Variants in CASP5 observed in about 807,000 individuals in gnomAD.
The protein encoded by CASP5 is caspase 5.
In CASP5, 42 loss-of-function variants were observed where a neutral mutation model predicts 45.2. That is an observed-to-expected ratio of 0.93 (90% CI 0.73 to 1.20). CASP5 has a LOEUF of 1.20. Ranked by LOEUF, CASP5 falls within the 50% of genes most tolerant of loss-of-function variation. The pLI is 0.00. For synonymous variants in CASP5, 209 were observed against 186.2 expected (o/e 1.12, Z -1.00); for missense variants, 512 against 532.2 (o/e 0.96, Z 0.37).
At chr11:105,000,522 G>GCTCACAGAGAATCA in intron 5 of CASP5, 27 bp from the exon 6 acceptor site, 1 of 1,596,926 alleles carries the variant, frequency 6.3e-7, no homozygotes. Flanking sequence ...TCTAACTTCA[G>GCTCACAGAGAATCA]TCAGAGAAGC....
At chr11:105,009,017 C>G in intron 1 of CASP5, 37 bp from the exon 2 acceptor site, 2 of 1,601,778 alleles carry the variant, frequency 1.2e-6, no homozygotes, top group Non-Finnish European at 1.7e-6. Context: ...ACTCTGGGCA[C>G]AGCTTAAAGA....
At chr11:105,017,922 C>G (rs1862718040) in intron 1 of CASP5, among the ~76,000 whole-genome samples, 1 of 152,116 alleles carries the variant, frequency 6.6e-6, no homozygotes, top group Non-Finnish European at 1.5e-5. Context: ...TCAGGTTACC[C>G]TCAAAGAGAA....
chr11:105,009,193 G>T, intron 1 of CASP5: 2 of 588,490 alleles, frequency 3.4e-6, no homozygotes, highest in Non-Finnish European at 6.0e-6. Flanking sequence ...TGCCACTTAA[G>T]TTTGTTTTTT....
At chr11:105,021,425 A>G (rs1862954725) in intron 1 of CASP5, among the ~76,000 whole-genome samples, 1 of 148,144 alleles carries the variant, frequency 6.8e-6, no homozygotes, top group Non-Finnish European at 1.5e-5. Context: ...CAAAGGGCTA[A>G]TATCCAGAAT....
chr11:105,007,606 C>T (rs1862074427), intron 2 of CASP5, among the ~76,000 whole-genome samples: 1 of 151,946 alleles, frequency 6.6e-6, no homozygotes, highest in South Asian at 2.1e-4. Context: ...TGCTAATTTC[C>T]TGGTCACCTG....
chr11:105,017,195 C>T (rs1862663283), intron 1 of CASP5, among the ~76,000 whole-genome samples: 1 of 152,068 alleles, frequency 6.6e-6, no homozygotes, highest in Non-Finnish European at 1.5e-5. Flanking sequence ...GAAAAAACCA[C>T]AAAGATGGGG....
chr11:104,998,812 C>A, intron 7 of CASP5, 73 bp downstream of exon 7: 2 of 1,478,520 alleles, frequency 1.4e-6, no homozygotes, highest in Non-Finnish European at 1.9e-6. Flanking sequence ...TAGGGCCTAT[C>A]TTGATTTCAT....
intron 4 of CASP5, among the ~76,000 whole-genome samples, chr11:105,002,515 G>A (rs1399560990): frequency 6.6e-6 from 1 of 151,958 alleles, no homozygotes; most frequent in Non-Finnish European, 1.5e-5. Context: ...TGTTGTCATC[G>A]GCTCCAGTAA....
At chr11:104,996,535 T>G (rs1404076942) in intron 8 of CASP5, among the ~76,000 whole-genome samples, 1 of 152,226 alleles carries the variant, frequency 6.6e-6, no homozygotes, top group Non-Finnish European at 1.5e-5. Context: ...ATTTTTAATT[T>G]AGAAACAACC....
intron 6 of CASP5, among the ~76,000 whole-genome samples, chr11:105,000,004 C>T (rs549093115): frequency 6.6e-6 from 1 of 152,300 alleles, no homozygotes; most frequent in East Asian, 1.9e-4. Flanking sequence ...TTCTGTTTAA[C>T]TTTGATTTAG....
intron 1 of CASP5, among the ~76,000 whole-genome samples, chr11:105,010,216 G>C (rs1862272623): frequency 6.6e-6 from 1 of 150,744 alleles, no homozygotes; most frequent in African/African-American, 2.4e-5. Flanking sequence ...ACCATTATTA[G>C]AAAGACACAT....
chr11:105,000,382 C>G lies in CASP5; in HGVS notation c.831G>C (p.Ala277=), dbSNP rs778906548. 7 of 1,614,130 alleles carry G rather than the reference C, an allele frequency of 4.3e-6. No homozygotes were observed. The South Asian group carries it at 5.5e-5, about 13-fold the overall frequency. The change falls in exon 6 of 10, where the codon GCG becomes GCC. Residue 277 remains alanine (A), a synonymous_variant. Transcript: ENST00000260315. Reference sequence around the variant, plus strand: ...GCACATCCGGTTTTTTCTTTTTATGCGCAGTTCCGCAGATTCCCTCTAGGA... The same window carrying G: ...GCACATCCGGTTTTTTCTTTTTATGGGCAGTTCCGCAGATTCCCTCTAGGA... ...HGILEGICGT[A]HKKKKPDVLL...
intron 3 of CASP5, among the ~76,000 whole-genome samples, chr11:105,003,727 T>C (rs547074777): frequency 1.3e-5 from 2 of 152,278 alleles, no homozygotes; most frequent in South Asian, 2.1e-4. Flanking sequence ...TTCATTTATT[T>C]GGACTTTCTG....
chr11:104,995,711 T>G, intron 9 of CASP5, 29 bp downstream of exon 9: 1 of 1,423,488 alleles, frequency 7.0e-7, no homozygotes, highest in Non-Finnish European at 9.9e-7. Context: ...TTTCATTTAT[T>G]TCACCCTCCA....
chr11:105,020,735 A>G (rs1265685866), intron 1 of CASP5, among the ~76,000 whole-genome samples: 1 of 151,820 alleles, frequency 6.6e-6, no homozygotes, highest in African/African-American at 2.4e-5. Flanking sequence ...CATACTGCCC[A>G]AGATAATTTA....
intron 1 of CASP5, 45 bp downstream of exon 1, chr11:105,023,085 A>C (rs751612087): frequency 1.3e-6 from 2 of 1,544,480 alleles, no homozygotes; most frequent in Middle Eastern, 3.4e-4. Flanking sequence ...GATTTTTCTA[A>C]GACCTGAGTA....
chr11:105,021,713 G>A (rs1404039694), intron 1 of CASP5, among the ~76,000 whole-genome samples: 2 of 146,730 alleles, frequency 1.4e-5, no homozygotes, highest in East Asian at 3.9e-4. Flanking sequence ...CTGTTGGTGG[G>A]ACTGTAAACT....
intron 1 of CASP5, among the ~76,000 whole-genome samples, chr11:105,009,714 T>TAC (rs367820511): frequency 0.021 from 1,477 of 71,330 alleles, 15 homozygotes; most frequent in Non-Finnish European, 0.029. Context: ...GATATATATA[T>TAC]ACACACATAT....
rs1036083721 is a variant in CASP5 at position 105,008,916 on chromosome 11, A to G, written c.72T>C (p.Ser24=). Residue 24 remains serine, a synonymous_variant, in exon 2 of 10, where the codon AGT becomes AGC. Coordinates refer to ENST00000260315, the MANE Select transcript of CASP5 (RefSeq NM_004347.5). ...GGTTTATCACGAAGTTATCCAATCC[A>G]CTCTGAAGGATACCTTTGAACATAG... ...FEAMFKGILQ[S]GLDNFVINHM... The G allele has an allele frequency of 5.0e-6, 8 of 1,611,420 alleles. No individual in the cohort carries two copies. Among genetic ancestry groups the G allele is most frequent in the Non-Finnish European group, 6.8e-6 (8 of 1,179,100 alleles).
Sources: gnomAD v4.1 joint callset for allele counts (sites outside exome capture counted in the v4.1 genomes callset) on GRCh38, gnomAD v4.1.1 for gene constraint, MANE v1.5 for transcripts, NCBI Gene and HGNC (gene_info 2026-07-23, HGNC 2026-07-21) for gene names.